CACNA1S: variants seen among roughly 807,000 people sequenced by gnomAD.
CACNA1S encodes voltage-dependent L-type calcium channel subunit alpha-1S.
CACNA1S carries 126 observed loss-of-function variants against 207.4 expected under a neutral mutation model. The ratio of observed to expected loss-of-function variants is 0.61; its 90% CI spans 0.53 to 0.70. The LOEUF is 0.70. Ranked by LOEUF, CACNA1S falls within the 30% of genes least tolerant of loss-of-function variation. The pLI, the probability that CACNA1S is intolerant of heterozygous loss-of-function variation, is 0.00. For missense variants in CACNA1S, 2,349 were observed against 2,422.8 expected, an observed-to-expected ratio of 0.97 and a Z score of 0.64; for synonymous variants, 960 against 932.7, an observed-to-expected ratio of 1.03 and a Z score of -0.53.
chr1:201,043,790 AG>A (rs1660381540), intron 39 of CACNA1S, among the ~76,000 whole-genome samples: 2 of 152,138 alleles, frequency 1.3e-5, no homozygotes, highest in Non-Finnish European at 2.9e-5. Flanking sequence ...AGTGTGGTGT[AG>A]GGGAGAGAGG....
Position 201,065,824 on chromosome 1 carries a change from A to G in CACNA1S, c.2853+14T>C. On this transcript the variant is annotated intron_variant, in intron 22 of 43. Coordinates refer to ENST00000362061, the MANE Select transcript of CACNA1S (RefSeq NM_000069.3). Reference sequence around the variant, plus strand: ...GAGCGGGAGGGGGAGCTGCTCGCGCAGGCTGGGGCTCACCTTGAAGAGCTG... The same window carrying G: ...GAGCGGGAGGGGGAGCTGCTCGCGCGGGCTGGGGCTCACCTTGAAGAGCTG... The G allele has an allele frequency of 1.9e-6, 3 of 1,598,442 alleles. No homozygotes were observed. The highest frequency in any genetic ancestry group is 2.6e-6 in the Non-Finnish European group (3 of 1,165,832).
chr1:201,052,673 T>G, intron 31 of CACNA1S, 25 bp from the exon 32 acceptor site: 1 of 1,577,220 alleles, frequency 6.3e-7, no homozygotes, highest in Non-Finnish European at 8.7e-7. Context: ...GGGCCCTGAC[T>G]GTGGAACCTA....
At chr1:201,090,933 T>C (rs1170521457) in intron 5 of CACNA1S, among the ~76,000 whole-genome samples, 1 of 152,230 alleles carries the variant, frequency 6.6e-6, no homozygotes, top group East Asian at 1.9e-4. Flanking sequence ...ATTAGAAATA[T>C]ACTATTTATG....
In CACNA1S at chr1:201,054,494, C is replaced by A. The variant is rs773664423; in HGVS notation, c.3666+11G>T. 1 of 1,613,578 alleles carries A rather than the reference C, an allele frequency of 6.2e-7. No individual in the cohort carries two copies. The highest frequency in any genetic ancestry group is 1.1e-5 in the South Asian group (1 of 91,050). On this transcript the variant is annotated intron_variant, in intron 29 of 43. Transcript: ENST00000362061. ...GAGCGTGCCAGGCAGGCTCGTGCAG[C>A]CTGAAATTACAACGTTCCCGCAGCC...
chr1:201,094,626 C>T lies in CACNA1S; in HGVS notation c.259-605G>A, dbSNP rs561514130. On this transcript the variant is annotated intron_variant, in intron 2 of 43. Transcript: ENST00000362061. ...TCAGAACTCCAGATGCCTTCCCTTGCTGGGCAGTGTTGCTCTTTAATTCAT... is the reference window on the plus strand; with the variant it reads ...TCAGAACTCCAGATGCCTTCCCTTGTTGGGCAGTGTTGCTCTTTAATTCAT... Among the ~76,000 whole-genome samples the T allele has an allele frequency of 2.3e-3, 347 of 152,230 alleles. 2 individuals carry two copies. Among genetic ancestry groups the T allele is most frequent in the African/African-American group, 8.0e-3 (331 of 41,538 alleles).
Position 201,078,017 on chromosome 1 carries a change from G to A in CACNA1S, c.1481C>T (p.Ser494Phe), listed in dbSNP as rs1181252110. The change falls in exon 11 of 44, where the codon TCT (serine) becomes TTT (phenylalanine). Residue 494 changes from serine to phenylalanine, a missense_variant. Coordinates refer to ENST00000362061, the MANE Select transcript of CACNA1S (RefSeq NM_000069.3). ...YGLGLRQYFM[S>F]IFNRFDCFVV... ...GAAGCAGTCGAAGCGGTTGAAGATA[G>A]ACATGAAGTACTGGCGCAGGCCCAG... 2 of 1,614,080 alleles carry A rather than the reference G, an allele frequency of 1.2e-6. No individual in the cohort carries two copies. The highest frequency in any genetic ancestry group is 3.3e-5 in the Admixed American group (2 of 60,016).
intron 5 of CACNA1S, among the ~76,000 whole-genome samples, chr1:201,090,159 T>C (rs1553252622): frequency 1.3e-5 from 2 of 152,194 alleles, no homozygotes; most frequent in South Asian, 4.1e-4. Flanking sequence ...GTAGGCTCAA[T>C]GCTCTGAAGA....
Position 201,049,109 on chromosome 1 carries a change from G to A in CACNA1S, c.4242-10C>T, listed in dbSNP as rs574154912. On this transcript the variant is annotated splice_polypyrimidine_tract_variant and intron_variant, in intron 34 of 43. Coordinates refer to ENST00000362061, the MANE Select transcript of CACNA1S (RefSeq NM_000069.3). ...GTGTTTGATTCTCCCCCTGCGGGAG[G>A]ACACACAGACTTGTGTACCTGCTAC... 6.3e-7 allele frequency: 1 copy of A among 1,592,444 alleles called. No homozygotes were observed. The highest frequency in any genetic ancestry group is 1.3e-5 in the African/African-American group (1 of 74,510).
intron 1 of CACNA1S, among the ~76,000 whole-genome samples, chr1:201,110,910 G>A (rs1168365386): frequency 6.6e-6 from 1 of 152,230 alleles, no homozygotes; most frequent in African/African-American, 2.4e-5. Flanking sequence ...TAGGCAGCAA[G>A]TCTGGAAAGA....
intron 2 of CACNA1S, among the ~76,000 whole-genome samples, chr1:201,102,954 G>T (rs116114461): frequency 0.012 from 1,830 of 152,300 alleles, 38 homozygotes; most frequent in African/African-American, 0.042. Flanking sequence ...GGAAGGGAAT[G>T]AACATTTATT....
In CACNA1S at chr1:201,050,964, G is replaced by T. The variant is rs758487429; in HGVS notation, c.4113+20C>A. 2 of 1,613,498 alleles carry T rather than the reference G, an allele frequency of 1.2e-6. No individual in the cohort carries two copies. Among genetic ancestry groups the T allele is most frequent in the South Asian group, 2.2e-5 (2 of 91,070 alleles). On this transcript the variant is annotated intron_variant, in intron 33 of 43. Coordinates refer to ENST00000362061, the MANE Select transcript of CACNA1S (RefSeq NM_000069.3). ...CTTATCAAAGCCCTCTCCCTGCCCC[G>T]CAGGCCCTCAGCATCTCACCAGGAA... is the stretch of plus-strand genomic sequence containing the variant.
chr1:201,059,117 G>T (rs960525031), intron 27 of CACNA1S, 72 bp downstream of exon 27: 2 of 937,766 alleles, frequency 2.1e-6, no homozygotes, highest in Non-Finnish European at 3.5e-6. Context: ...AGGGATGGGG[G>T]TGGATGTTCC....
chr1:201,112,419 T>G lies in CACNA1S; in HGVS notation c.-80A>C. The G allele has an allele frequency of 6.2e-7, 1 of 1,607,154 alleles. No homozygotes were observed. The highest frequency in any genetic ancestry group is 8.5e-7 in the Non-Finnish European group (1 of 1,179,182). ...CCCTGTGTCCCCAATGCCCCCGCCT[T>G]GGGGACTAGGCTGGCTGAGGCTGTC... On this transcript the variant is annotated 5_prime_UTR_variant, in exon 1 of 44. Coordinates refer to ENST00000362061, the MANE Select transcript of CACNA1S (RefSeq NM_000069.3).
At chr1:201,067,633 A>G (rs1054262661) in intron 19 of CACNA1S, among the ~76,000 whole-genome samples, 1 of 152,142 alleles carries the variant, frequency 6.6e-6, no homozygotes, top group Non-Finnish European at 1.5e-5. Flanking sequence ...TGTATGTGCA[A>G]TATATCCCAG....
intron 12 of CACNA1S, 82 bp downstream of exon 12, chr1:201,076,830 GGAGAAGGT>G: frequency 8.3e-7 from 1 of 1,204,052 alleles, no homozygotes; most frequent in Non-Finnish European, 1.2e-6. Context: ...AAGGCTTCCT[GGAGAAGGT>G]GATGCCCACC....
intron 18 of CACNA1S, 129 bp from the exon 19 acceptor site, chr1:201,069,325 G>A (rs1007230871): frequency 5.2e-5 from 73 of 1,407,614 alleles, no homozygotes; most frequent in Non-Finnish European, 6.9e-5. Context: ...CAGAAGGAGT[G>A]GAGTGGGCAG....
chr1:201,105,908 C>T (rs1662862786), intron 2 of CACNA1S, among the ~76,000 whole-genome samples: 1 of 152,170 alleles, frequency 6.6e-6, no homozygotes, highest in African/African-American at 2.4e-5. Context: ...CCCTTCTTGC[C>T]CACAACCATC....
intron 19 of CACNA1S, among the ~76,000 whole-genome samples, chr1:201,068,917 C>T (rs181385391): frequency 1.5e-4 from 23 of 152,262 alleles, no homozygotes; most frequent in Admixed American, 1.2e-3. Context: ...AAGACATGGG[C>T]TGTACTCTGT....
At chr1:201,089,520 G>A in intron 5 of CACNA1S, 57 bp from the exon 6 acceptor site, 1 of 1,537,710 alleles carries the variant, frequency 6.5e-7, no homozygotes, top group South Asian at 1.1e-5. Flanking sequence ...ACAACGACAG[G>A]AGGAAAGGTG....
Sources: gnomAD v4.1 joint callset for allele counts (sites outside exome capture counted in the v4.1 genomes callset) on GRCh38, gnomAD v4.1.1 for gene constraint, MANE v1.5 for transcripts, NCBI Gene and HGNC (gene_info 2026-07-23, HGNC 2026-07-21) for gene names.